Variants in NOL4 observed in about 807,000 individuals in gnomAD.
NOL4 encodes nucleolar protein 4, also known as cancer/testis antigen 125.
NOL4 carries 17 observed loss-of-function variants against 75.9 expected under a neutral mutation model. The observed-to-expected ratio is 0.22, with a 90% CI of 0.15 to 0.34. The LOEUF is 0.34. Ranked by LOEUF, NOL4 falls within the 10% of genes least tolerant of loss-of-function variation. The pLI, the probability that NOL4 is intolerant of heterozygous loss-of-function variation, is 1.00. For missense variants in NOL4, 614 were observed against 793.5 expected, an observed-to-expected ratio of 0.77 and a Z score of 2.72; for synonymous variants, 292 against 289.9, an observed-to-expected ratio of 1.01 and a Z score of -0.07.
At chr18:34,180,183 A>C (rs1237036771) in intron 1 of NOL4, among the ~76,000 whole-genome samples, 1 of 151,544 alleles carries the variant, frequency 6.6e-6, no homozygotes, top group Admixed American at 6.6e-5. Context: ...ATGATTTCAC[A>C]GGAAAACAAA....
intron 9 of NOL4, among the ~76,000 whole-genome samples, chr18:33,896,683 G>A (rs1260556767): frequency 6.6e-6 from 1 of 152,040 alleles, no homozygotes; most frequent in East Asian, 1.9e-4. Flanking sequence ...GACAACTTAG[G>A]CAATATAATC....
chr18:34,054,158 T>A (rs1314445797), intron 5 of NOL4, among the ~76,000 whole-genome samples: 2 of 152,022 alleles, frequency 1.3e-5, no homozygotes, highest in Non-Finnish European at 2.9e-5. Context: ...TGAAGAATGT[T>A]CCATGTGCAC....
chr18:33,920,742 T>C (rs1208149375), intron 9 of NOL4, among the ~76,000 whole-genome samples: 1 of 152,200 alleles, frequency 6.6e-6, no homozygotes, highest in African/African-American at 2.4e-5. Context: ...GTGGATTACC[T>C]TGACATGCAC....
chr18:34,081,516 G>T (rs963464359), intron 5 of NOL4, among the ~76,000 whole-genome samples: 23 of 152,016 alleles, frequency 1.5e-4, no homozygotes, highest in African/African-American at 5.1e-4. Context: ...TAGGAAAATG[G>T]CACTCTTCAT....
At chr18:33,863,584 C>T (rs2063284495) in intron 10 of NOL4, among the ~76,000 whole-genome samples, 1 of 152,088 alleles carries the variant, frequency 6.6e-6, no homozygotes, top group Non-Finnish European at 1.5e-5. Flanking sequence ...CTGAAATGAT[C>T]TTCTTTGACT....
At chr18:33,916,795 C>A (rs919699697) in intron 9 of NOL4, among the ~76,000 whole-genome samples, 1 of 152,098 alleles carries the variant, frequency 6.6e-6, no homozygotes, top group Non-Finnish European at 1.5e-5. Context: ...TGTTTATAGG[C>A]AAACATTCAA....
intron 5 of NOL4, among the ~76,000 whole-genome samples, chr18:34,070,318 C>T (rs1355044160): frequency 6.6e-6 from 1 of 152,330 alleles, no homozygotes; most frequent in East Asian, 1.9e-4. Context: ...CGCGCCCGGC[C>T]CGCCTTGCCT....
At chr18:33,957,090 G>A (rs751658166) in intron 8 of NOL4, among the ~76,000 whole-genome samples, 39 of 151,780 alleles carry the variant, frequency 2.6e-4, no homozygotes, top group Middle Eastern at 6.3e-3. Flanking sequence ...ATGGTACCAC[G>A]TGGTTCTGTG....
chr18:34,073,973 A>G (rs2077634357), intron 5 of NOL4, among the ~76,000 whole-genome samples: 1 of 151,968 alleles, frequency 6.6e-6, no homozygotes, highest in African/African-American at 2.4e-5. Context: ...GAATGCTATA[A>G]AAAGCCAATA....
intron 6 of NOL4, among the ~76,000 whole-genome samples, chr18:33,974,878 G>T (rs959209181): frequency 6.6e-6 from 1 of 152,140 alleles, no homozygotes; most frequent in Non-Finnish European, 1.5e-5. Flanking sequence ...CATATCCATG[G>T]CTTTACTGTT....
chr18:34,025,514 T>A (rs2075296816), intron 5 of NOL4, among the ~76,000 whole-genome samples: 1 of 152,168 alleles, frequency 6.6e-6, no homozygotes, highest in Admixed American at 6.5e-5. Context: ...ACCATCAAAG[T>A]GTGTCCTCTG....
intron 5 of NOL4, among the ~76,000 whole-genome samples, chr18:34,030,478 G>C (rs75816536): frequency 5.3e-5 from 8 of 152,106 alleles, no homozygotes; most frequent in Admixed American, 3.3e-4. Flanking sequence ...AGGAGGAAGG[G>C]ACAAAGGAAA....
chr18:33,854,294 A>G (rs1567958836), intron 10 of NOL4, among the ~76,000 whole-genome samples: 1 of 152,098 alleles, frequency 6.6e-6, no homozygotes, highest in Non-Finnish European at 1.5e-5. Context: ...CATGAGAGGG[A>G]AATAGCTTCA....
intron 1 of NOL4, among the ~76,000 whole-genome samples, chr18:34,132,027 T>C (rs569693228): frequency 6.6e-6 from 1 of 152,320 alleles, no homozygotes; most frequent in Admixed American, 6.5e-5. Flanking sequence ...AATCAAAATG[T>C]CCACAGAGCT....
At chr18:34,164,093 AG>A in intron 1 of NOL4, among the ~76,000 whole-genome samples, 1 of 152,354 alleles carries the variant, frequency 6.6e-6, no homozygotes, top group African/African-American at 2.4e-5. Flanking sequence ...AATTAATCCA[AG>A]ATGGATTAAA....
At chr18:34,108,493 G>T (rs976315767) in intron 2 of NOL4, among the ~76,000 whole-genome samples, 3 of 152,082 alleles carry the variant, frequency 2.0e-5, no homozygotes, top group African/African-American at 7.2e-5. Context: ...GAAAGTGAAA[G>T]GATAGAAAAA....
rs566116734 is a variant in NOL4, at chr18:34,029,338, C to T, written c.773-9737G>A. Among the ~76,000 whole-genome samples, 116 of 152,076 alleles carry T rather than the reference C, an allele frequency of 7.6e-4. 2 individuals carry two copies. The highest frequency in any genetic ancestry group is 1.2e-3 in the Non-Finnish European group (79 of 68,020). ...TTAAAAAAATTGACACCCTTGTGCC[C>T]TGATTTTTTGAAGTAGCCCACACAC... On this transcript the variant is annotated intron_variant, in intron 5 of 10. Coordinates refer to ENST00000261592, the MANE Select transcript of NOL4 (RefSeq NM_003787.5).
At chr18:33,890,962 C>T (rs1289543076) in intron 9 of NOL4, among the ~76,000 whole-genome samples, 1 of 151,966 alleles carries the variant, frequency 6.6e-6, no homozygotes, top group Non-Finnish European at 1.5e-5. Flanking sequence ...TACGACACCT[C>T]ACACACTATC....
At chr18:34,123,705 TAG>T (rs199563562) in intron 2 of NOL4, among the ~76,000 whole-genome samples, 2 of 148,988 alleles carry the variant, frequency 1.3e-5, no homozygotes, top group African/African-American at 2.4e-5. Context: ...TATGTATATA[TAG>T]AGAGATAGAT....
Sources: gnomAD v4.1 joint callset for allele counts (sites outside exome capture counted in the v4.1 genomes callset) on GRCh38, gnomAD v4.1.1 for gene constraint, MANE v1.5 for transcripts, NCBI Gene and HGNC (gene_info 2026-07-23, HGNC 2026-07-21) for gene names.